The following ATG14 variants were observed in gnomAD, a reference collection of about 807,000 sequenced individuals.
ATG14 encodes beclin 1-associated autophagy-related key regulator.
A neutral mutation model predicts 60.4 loss-of-function variants in ATG14; 35 were observed. That is an observed-to-expected ratio of 0.58 (90% CI 0.44 to 0.77). The LOEUF is 0.77. Ranked by LOEUF, ATG14 falls within the 30% of genes least tolerant of loss-of-function variation. The pLI is 0.00. For missense variants in ATG14, 647 were observed against 626.3 expected (o/e 1.03, Z -0.35); for synonymous variants, 234 against 228.8 (o/e 1.02, Z -0.21).
chr14:55,403,553 T>C (rs1885445060), intron 1 of ATG14, among the ~76,000 whole-genome samples: 1 of 152,166 alleles, frequency 6.6e-6, no homozygotes, highest in Non-Finnish European at 1.5e-5. Context: ...CTTTTTTTTT[T>C]CATGAAGTGA....
At chr14:55,377,183 C>T (rs918972012) in intron 9 of ATG14, among the ~76,000 whole-genome samples, 1 of 152,064 alleles carries the variant, frequency 6.6e-6, no homozygotes, top group Non-Finnish European at 1.5e-5. Context: ...CCTGTCTCTA[C>T]TAAAAATACA....
intron 5 of ATG14, among the ~76,000 whole-genome samples, chr14:55,383,006 C>A (rs1020167119): frequency 7.2e-5 from 11 of 152,214 alleles, no homozygotes; most frequent in African/African-American, 2.7e-4. Context: ...TTTAAACTCT[C>A]TTTAATACTC....
At chr14:55,388,961 A>T (rs77631806) in intron 4 of ATG14, among the ~76,000 whole-genome samples, 2 of 152,030 alleles carry the variant, frequency 1.3e-5, no homozygotes, top group Non-Finnish European at 2.9e-5. Context: ...TTTTTTTTCA[A>T]CATGGCGATT....
intron 4 of ATG14, 109 bp from the exon 5 acceptor site, chr14:55,386,205 G>T: frequency 1.1e-6 from 1 of 903,864 alleles, no homozygotes; most frequent in Non-Finnish European, 1.7e-6. Flanking sequence ...TAAACTGAAA[G>T]CAAAACCTGA....
intron 4 of ATG14, among the ~76,000 whole-genome samples, chr14:55,388,465 C>T (rs1410573499): frequency 6.6e-6 from 1 of 152,248 alleles, no homozygotes; most frequent in South Asian, 2.1e-4. Flanking sequence ...GGTGCTGTAT[C>T]TGTAATCTAC....
At chr14:55,388,092 G>A (rs368778313) in intron 4 of ATG14, among the ~76,000 whole-genome samples, 4 of 152,072 alleles carry the variant, frequency 2.6e-5, no homozygotes, top group African/African-American at 9.7e-5. Context: ...AGCCGAGATC[G>A]TGCCACTGCA....
chr14:55,378,382 A>G (rs1350193941), intron 7 of ATG14, among the ~76,000 whole-genome samples: 1 of 152,244 alleles, frequency 6.6e-6, no homozygotes, highest in African/African-American at 2.4e-5. Context: ...CATCAACAGC[A>G]GACTGGTAAG....
At chr14:55,382,538 G>T (rs1594778718) in intron 5 of ATG14, among the ~76,000 whole-genome samples, 1 of 152,032 alleles carries the variant, frequency 6.6e-6, no homozygotes, top group African/African-American at 2.4e-5. Context: ...TGCCCAGGCT[G>T]GTCTTGAACT....
rs541798570 is a variant in ATG14 at position 55,367,170 on chromosome 14, A to G, written c.*2449T>C. ...AGCTTCATCTCTCATTCATGGTTTC[A>G]TAAGAGGCTTAAGAAAACCATGACT... On this transcript the variant is annotated 3_prime_UTR_variant, in exon 10 of 10. Coordinates refer to ENST00000247178, the MANE Select transcript of ATG14 (RefSeq NM_014924.5). The G allele has an allele frequency of 2.0e-5, 3 of 152,382 alleles. No individual in the cohort carries two copies. The highest frequency in any genetic ancestry group is 2.9e-5 in the Non-Finnish European group (2 of 68,030). The allele number at this position is 152,382 out of a possible 1,614,324, so 9.4% of individuals were successfully genotyped here. A position where few individuals can be genotyped will look rare whatever the true frequency, so the allele number is the denominator to read the frequency against.
At chr14:55,380,849 T>TTG (rs370345669) in intron 6 of ATG14, among the ~76,000 whole-genome samples, 159 bp from the exon 7 acceptor site, 18 of 131,408 alleles carry the variant, frequency 1.4e-4, no homozygotes, top group South Asian at 2.4e-4. Flanking sequence ...GGTCCATTCT[T>TTG]TGTGTGTATA....
At chr14:55,391,956 C>A (rs1047127099) in intron 3 of ATG14, among the ~76,000 whole-genome samples, 10 of 152,164 alleles carry the variant, frequency 6.6e-5, no homozygotes, top group African/African-American at 2.4e-4. Flanking sequence ...GAAATTGACT[C>A]TTTATATTAC....
intron 9 of ATG14, among the ~76,000 whole-genome samples, chr14:55,375,425 C>T (rs540612145): frequency 2.6e-5 from 4 of 151,718 alleles, no homozygotes; most frequent in South Asian, 4.2e-4. Context: ...TCAACTCAGG[C>T]GACCCTCCCA....
Position 55,388,257 on chromosome 14 carries a change from G to A in ATG14, c.410-2161C>T, listed in dbSNP as rs111917922. Among the ~76,000 whole-genome samples the A allele has an allele frequency of 1.3e-5, 2 of 152,290 alleles. 1 individual carries two copies. Among genetic ancestry groups the A allele is most frequent in the African/African-American group, 4.8e-5 (2 of 41,572 alleles). ...ATTATCTTTACCAAGCTCTTTACAA[G>A]TGCTGAAATTAATCTATCCAGCCAT... On this transcript the variant is annotated intron_variant, in intron 4 of 9. Coordinates refer to ENST00000247178, the MANE Select transcript of ATG14 (RefSeq NM_014924.5).
chr14:55,390,871 G>A (rs762426613), intron 4 of ATG14, 40 bp downstream of exon 4: 1 of 1,371,774 alleles, frequency 7.3e-7, no homozygotes, highest in South Asian at 1.3e-5. Flanking sequence ...TTCCACATAG[G>A]CACTTTCTAG....
At chr14:55,397,479 C>T in intron 1 of ATG14, 45 bp from the exon 2 acceptor site, 4 of 1,457,226 alleles carry the variant, frequency 2.7e-6, no homozygotes, top group Non-Finnish European at 3.8e-6. Context: ...GTCATTTTTT[C>T]AGTTCAATGA....
At chr14:55,400,193 C>T (rs1483028742) in intron 1 of ATG14, among the ~76,000 whole-genome samples, 1 of 152,212 alleles carries the variant, frequency 6.6e-6, no homozygotes, top group Non-Finnish European at 1.5e-5. Context: ...CTCCATCCCA[C>T]CACTCACAGA....
chr14:55,398,272 C>T (rs1052568315), intron 1 of ATG14, among the ~76,000 whole-genome samples: 1 of 152,000 alleles, frequency 6.6e-6, no homozygotes, highest in African/African-American at 2.4e-5. Context: ...TTCTATTTGC[C>T]AGTTTTCTAT....
At chr14:55,394,730 G>A (rs894691890) in intron 3 of ATG14, among the ~76,000 whole-genome samples, 7 of 152,052 alleles carry the variant, frequency 4.6e-5, no homozygotes, top group East Asian at 1.9e-4. Flanking sequence ...AAAACAACAC[G>A]GGAACAGAAG....
intron 5 of ATG14, among the ~76,000 whole-genome samples, chr14:55,383,718 T>C (rs910808350): frequency 1.3e-5 from 2 of 150,808 alleles, no homozygotes; most frequent in African/African-American, 4.9e-5. Context: ...AATCATACCA[T>C]TGCACTCCAG....
Sources: gnomAD v4.1 joint callset for allele counts (sites outside exome capture counted in the v4.1 genomes callset) on GRCh38, gnomAD v4.1.1 for gene constraint, MANE v1.5 for transcripts, NCBI Gene and HGNC (gene_info 2026-07-23, HGNC 2026-07-21) for gene names.